Variants in PSMG2 observed in about 807,000 individuals in gnomAD.
PSMG2 encodes proteasome assembly chaperone 2, also known as CD40 ligand-activated specific transcript 3.
In PSMG2, 21 loss-of-function variants were observed where a neutral mutation model predicts 31.5. The ratio of observed to expected loss-of-function variants is 0.67; its 90% CI spans 0.47 to 0.96. The LOEUF is 0.96. Among genes scored for constraint, PSMG2 ranks in the 40% least tolerant of loss-of-function variants. The pLI is 0.00. For synonymous variants in PSMG2, 120 were observed against 110.4 expected, an observed-to-expected ratio of 1.09 and a Z score of -0.54; for missense variants, 318 against 321.2, an observed-to-expected ratio of 0.99 and a Z score of 0.08.
chr18:12,720,453 A>G (rs2040420347), intron 4 of PSMG2, 57 bp from the exon 5 acceptor site: 1 of 1,379,900 alleles, frequency 7.2e-7, no homozygotes, highest in Non-Finnish European at 9.7e-7. Flanking sequence ...AATTTTAGCT[A>G]AAGAACCGAT....
chr18:12,691,228 C>T (rs2039749736), intron 1 of PSMG2: 3 of 574,354 alleles, frequency 5.2e-6, no homozygotes, highest in Non-Finnish European at 8.4e-6. Context: ...ATTACAAAAT[C>T]AGCATTTTAT....
At chr18:12,687,705 G>C (rs1165886414) in intron 1 of PSMG2, among the ~76,000 whole-genome samples, 1 of 151,464 alleles carries the variant, frequency 6.6e-6, no homozygotes, top group Non-Finnish European at 1.5e-5. Context: ...CGCCCACCTC[G>C]ACCTCCCAAA....
chr18:12,702,494 G>C (rs2040194591), upstream of PSMG2: 2 of 1,609,300 alleles, frequency 1.2e-6, no homozygotes, highest in African/African-American at 2.7e-5. Context: ...ACCTTGCTCA[G>C]CTGCTGGTGG....
intron 1 of PSMG2, among the ~76,000 whole-genome samples, chr18:12,693,718 C>T (rs760711239): frequency 3.9e-5 from 6 of 152,012 alleles, no homozygotes; most frequent in South Asian, 4.2e-4. Flanking sequence ...GGCAGGCAGA[C>T]GTTGCAGTGA....
chr18:12,677,414 G>A (rs997241561), intron 1 of PSMG2, among the ~76,000 whole-genome samples: 23 of 129,754 alleles, frequency 1.8e-4, no homozygotes, highest in African/African-American at 5.6e-4. Flanking sequence ...CCAAGATCAC[G>A]CCACTGCGCT....
chr18:12,683,903 GAAAT>G (rs1419289634), intron 1 of PSMG2, among the ~76,000 whole-genome samples: 4 of 151,290 alleles, frequency 2.6e-5, no homozygotes, highest in Non-Finnish European at 5.9e-5. Flanking sequence ...AATATAAAAA[GAAAT>G]AATAAACTAG....
chr18:12,661,326 A>C, intron 1 of PSMG2: 3 of 980,720 alleles, frequency 3.1e-6, no homozygotes, highest in Non-Finnish European at 3.6e-6. Context: ...AAGAAAAAAA[A>C]TTGATAAGCC....
intron 6 of PSMG2, 93 bp downstream of exon 6, chr18:12,724,712 CGTTT>C: frequency 8.1e-7 from 1 of 1,230,072 alleles, no homozygotes; most frequent in East Asian, 2.8e-5. Flanking sequence ...AGTAAGTGAA[CGTTT>C]GTATTAAATA....
intron 2 of PSMG2, among the ~76,000 whole-genome samples, chr18:12,709,568 G>C (rs1020879482): frequency 6.6e-6 from 1 of 150,716 alleles, no homozygotes; most frequent in African/African-American, 2.4e-5. Context: ...CCACGATTTT[G>C]GTTCACTGCA....
chr18:12,699,198 T>C, upstream of PSMG2: 2 of 1,608,520 alleles, frequency 1.2e-6, no homozygotes, highest in Non-Finnish European at 1.7e-6. Flanking sequence ...GTTGGATCAA[T>C]ATTAGCTGTA....
chr18:12,693,439 TA>T (rs1017038207), intron 1 of PSMG2, among the ~76,000 whole-genome samples: 3 of 150,942 alleles, frequency 2.0e-5, no homozygotes, highest in Non-Finnish European at 4.4e-5. Flanking sequence ...AAAATTTAAT[TA>T]AAAAAAACAA....
intron 2 of PSMG2, among the ~76,000 whole-genome samples, 199 bp downstream of exon 2, chr18:12,706,920 T>TA (rs762077620): frequency 6.6e-6 from 1 of 152,208 alleles, no homozygotes; most frequent in Non-Finnish European, 1.5e-5. Flanking sequence ...TGGCAAGTCT[T>TA]ACGAAGGTTG....
chr18:12,667,446 G>A (rs940866020), intron 1 of PSMG2, among the ~76,000 whole-genome samples: 1 of 152,074 alleles, frequency 6.6e-6, no homozygotes, highest in Non-Finnish European at 1.5e-5. Context: ...GACAGAGTGA[G>A]ACAGTCTCTT....
chr18:12,686,306 G>GT, intron 1 of PSMG2: 1 of 1,614,088 alleles, frequency 6.2e-7, no homozygotes, highest in Non-Finnish European at 8.5e-7. Flanking sequence ...CACTGCTCCT[G>GT]TTTACCTCCT....
chr18:12,704,433 A>T (rs2040241046), intron 1 of PSMG2, among the ~76,000 whole-genome samples: 1 of 151,910 alleles, frequency 6.6e-6, no homozygotes, highest in South Asian at 2.1e-4. Flanking sequence ...CAAAAAAATA[A>T]ATAAAAATTA....
chr18:12,667,475 T>TA (rs1228972806), intron 1 of PSMG2, among the ~76,000 whole-genome samples: 1 of 151,882 alleles, frequency 6.6e-6, no homozygotes, highest in Non-Finnish European at 1.5e-5. Flanking sequence ...GAAAATATAA[T>TA]ATTCGGCCAG....
In PSMG2 at chr18:12,720,565, ATAAAG is replaced by A; in HGVS notation, c.464_468del (p.Ile155LysfsTer3). 1 of 1,613,250 alleles carries A rather than the reference ATAAAG, an allele frequency of 6.2e-7. No individual in the cohort carries two copies. The highest frequency in any genetic ancestry group is 8.5e-7 in the Non-Finnish European group (1 of 1,179,676). The stretch of plus-strand genomic sequence containing the variant: ...CATGCAAAAAAGTGTTCAAAATAAA[ATAAAG>A]AGCCTTAACTGGGAAGAAATGGAAA... On this transcript the variant is annotated frameshift_variant, in exon 5 of 7. Coordinates refer to ENST00000317615, the MANE Select transcript of PSMG2 (RefSeq NM_020232.5). LOFTEE classifies it high-confidence loss of function.
At chr18:12,714,866 G>A (rs559004138) in intron 3 of PSMG2, among the ~76,000 whole-genome samples, 73 of 151,474 alleles carry the variant, frequency 4.8e-4, no homozygotes, top group South Asian at 4.2e-3. Flanking sequence ...CATTGTGCCC[G>A]GCTAAGTTTT....
At chr18:12,689,136 A>T (rs1228714123) in intron 1 of PSMG2, among the ~76,000 whole-genome samples, 2 of 151,718 alleles carry the variant, frequency 1.3e-5, no homozygotes, top group East Asian at 1.9e-4. Context: ...AAAGTTCTTT[A>T]CTTTACTTTC....
Sources: allele counts gnomAD v4.1 joint callset (sites outside exome capture counted in the v4.1 genomes callset), GRCh38; gene constraint gnomAD v4.1.1; transcripts MANE v1.5; gene names NCBI Gene and HGNC (gene_info 2026-07-23, HGNC 2026-07-21).